DPYD: variants seen among roughly 807,000 people sequenced by gnomAD.
DPYD encodes dihydropyrimidine dehydrogenase.
DPYD carries 109 observed loss-of-function variants against 116.2 expected under a neutral mutation model. The ratio of observed to expected loss-of-function variants is 0.94; its 90% CI spans 0.80 to 1.10. The LOEUF is 1.10. Ranked by LOEUF, DPYD falls within the 50% of genes least tolerant of loss-of-function variation. DPYD has a pLI of 0.00. For synonymous variants in DPYD, 440 were observed against 432.0 expected (o/e 1.02, Z -0.23); for missense variants, 1,302 against 1,254.5 (o/e 1.04, Z -0.57).
intron 11 of DPYD, among the ~76,000 whole-genome samples, chr1:97,555,819 G>T (rs1003569602): frequency 6.6e-6 from 1 of 152,020 alleles, no homozygotes; most frequent in South Asian, 2.1e-4. Context: ...CTCTGACCTG[G>T]TAGGAATTTT....
intron 14 of DPYD, among the ~76,000 whole-genome samples, chr1:97,444,546 T>C (rs1259897081): frequency 6.6e-6 from 1 of 152,208 alleles, no homozygotes; most frequent in African/African-American, 2.4e-5. Context: ...GCTGTGTATG[T>C]AGTAGAATCA....
At chr1:97,461,290 G>A (rs1677019459) in intron 13 of DPYD, among the ~76,000 whole-genome samples, 1 of 152,084 alleles carries the variant, frequency 6.6e-6, no homozygotes, top group Admixed American at 6.6e-5. Flanking sequence ...TGGGACTTCC[G>A]TATATATGAA....
In DPYD at chr1:97,780,296, A is replaced by T. The variant is rs115654137; in HGVS notation, c.234-39817T>A. ...TGAACAAATAAAGGCTATGATTAAGACTTCGACATTGTTGTTTTGAGAAAA... is the reference window on the plus strand; with the variant it reads ...TGAACAAATAAAGGCTATGATTAAGTCTTCGACATTGTTGTTTTGAGAAAA... On this transcript the variant is annotated intron_variant, in intron 3 of 22. Coordinates refer to ENST00000370192, the MANE Select transcript of DPYD (RefSeq NM_000110.4). 9.8e-3 allele frequency among the ~76,000 whole-genome samples: 1,491 copies of T among 152,352 alleles called. 38 individuals carry two copies. Among genetic ancestry groups the T allele is most frequent in the African/African-American group, 0.034 (1,401 of 41,580 alleles).
In DPYD at chr1:97,868,520, C is replaced by T. The variant is rs1427493774; in HGVS notation, c.150+14744G>A. ...AAAATATTAATAATAAAAAGTACTA[C>T]TTAGTGAGCATTTACCATGTGCTAA... On this transcript the variant is annotated intron_variant, in intron 2 of 22. Transcript: ENST00000370192. Among the ~76,000 whole-genome samples the T allele has an allele frequency of 8.6e-5, 13 of 151,888 alleles. No homozygotes were observed. In the East Asian group the frequency reaches 2.5e-3, roughly 30 times the overall value.
rs190004102 is a variant in DPYD at position 97,344,973 on chromosome 1, C to T, written c.2058+28588G>A. 2.9e-4 allele frequency among the ~76,000 whole-genome samples: 44 copies of T among 151,916 alleles called. No individual in the cohort carries two copies. In the East Asian group the frequency reaches 8.5e-3, roughly 29 times the overall value. ...ATATGAAAGTGACTGCTTCCCCACA[C>T]TCTCTATAGCACTAATGGTAATCAC... On this transcript the variant is annotated intron_variant, in intron 16 of 22. Transcript: ENST00000370192.
intron 1 of DPYD, among the ~76,000 whole-genome samples, chr1:97,904,320 A>G (rs537925072): frequency 3.3e-5 from 5 of 152,172 alleles, no homozygotes; most frequent in Admixed American, 6.6e-5. Flanking sequence ...CAAGGTAATC[A>G]TAACATTTCA....
chr1:97,508,749 T>C (rs895264262), intron 13 of DPYD, among the ~76,000 whole-genome samples: 1 of 151,968 alleles, frequency 6.6e-6, no homozygotes, highest in East Asian at 1.9e-4. Context: ...AGACCTTGGT[T>C]CAAATCCTGA....
chr1:97,864,163 C>T lies in DPYD; in HGVS notation c.150+19101G>A, dbSNP rs561636076. Reference sequence around the variant, plus strand: ...AGAATGAGAGTCCCATGAAGCAAAACTTTTGGTCTGTTTTGTTATTTTCCA... The same window carrying T: ...AGAATGAGAGTCCCATGAAGCAAAATTTTTGGTCTGTTTTGTTATTTTCCA... On this transcript the variant is annotated intron_variant, in intron 2 of 22. Transcript: ENST00000370192. 9.3e-4 allele frequency among the ~76,000 whole-genome samples: 142 copies of T among 152,074 alleles called. 1 individual carries two copies. The highest frequency in any genetic ancestry group is 3.1e-4 in the Non-Finnish European group (21 of 67,934).
intron 20 of DPYD, among the ~76,000 whole-genome samples, chr1:97,168,778 T>C (rs1400795835): frequency 6.6e-6 from 1 of 152,102 alleles, no homozygotes; most frequent in Non-Finnish European, 1.5e-5. Flanking sequence ...AAAATGAATT[T>C]AACGTGATTA....
At chr1:97,382,184 C>T (rs574116891) in intron 15 of DPYD, among the ~76,000 whole-genome samples, 7 of 152,122 alleles carry the variant, frequency 4.6e-5, no homozygotes, top group Non-Finnish European at 7.4e-5. Flanking sequence ...TCCAAGGGAC[C>T]GCTTTTATAG....
intron 14 of DPYD, among the ~76,000 whole-genome samples, chr1:97,393,537 T>C (rs1309685398): frequency 6.6e-6 from 1 of 151,528 alleles, no homozygotes; most frequent in Admixed American, 6.6e-5. Context: ...AGTGAGAACA[T>C]GCGGTGTTTG....
chr1:97,325,609 A>G (rs1300432220), intron 16 of DPYD, among the ~76,000 whole-genome samples: 1 of 152,000 alleles, frequency 6.6e-6, no homozygotes, highest in East Asian at 1.9e-4. Flanking sequence ...CTCTACTTGA[A>G]GTGTTTATGA....
chr1:97,838,608 G>T (rs1426000629), intron 2 of DPYD, among the ~76,000 whole-genome samples: 1 of 151,706 alleles, frequency 6.6e-6, no homozygotes. Flanking sequence ...CACTTTGGGA[G>T]GCCGAGGCGG....
At chr1:97,778,801 A>G (rs574939188) in intron 3 of DPYD, among the ~76,000 whole-genome samples, 2 of 152,150 alleles carry the variant, frequency 1.3e-5, no homozygotes, top group Non-Finnish European at 2.9e-5. Flanking sequence ...AATTTCACAC[A>G]TATTACCTAA....
At chr1:97,569,435 ATAT>A (rs1313714694) in intron 11 of DPYD, among the ~76,000 whole-genome samples, 4 of 147,862 alleles carry the variant, frequency 2.7e-5, no homozygotes, top group Middle Eastern at 3.6e-3. Flanking sequence ...TCATATATTT[ATAT>A]TATATTTATA....
chr1:97,728,617 G>C (rs754769026), intron 4 of DPYD, among the ~76,000 whole-genome samples: 6 of 152,016 alleles, frequency 3.9e-5, no homozygotes, highest in Non-Finnish European at 8.8e-5. Flanking sequence ...ACAGATGGAA[G>C]CACCCTTCCA....
chr1:97,433,951 C>T (rs1425302202), intron 14 of DPYD, among the ~76,000 whole-genome samples: 1 of 152,038 alleles, frequency 6.6e-6, no homozygotes, highest in Non-Finnish European at 1.5e-5. Flanking sequence ...CCATTCCAGC[C>T]TTTAATTGTG....
At position 97,078,501 on chromosome 1, in the gene DPYD, A is replaced by G; in HGVS notation, c.*475T>C. The G allele has an allele frequency of 5.4e-6, 1 of 184,626 alleles. No individual in the cohort carries two copies. Among genetic ancestry groups the G allele is most frequent in the Non-Finnish European group, 1.1e-5 (1 of 87,100 alleles). 11.4% of individuals were successfully genotyped at this position (184,626 alleles called of 1,614,324 possible). A position where few individuals can be genotyped will look rare whatever the true frequency, so the allele number is the denominator to read the frequency against. On this transcript the variant is annotated 3_prime_UTR_variant, in exon 23 of 23. Coordinates refer to ENST00000370192, the MANE Select transcript of DPYD (RefSeq NM_000110.4). ...ATTTGTACTTTATGGAGCTAACTAC[A>G]TTTTCTTAGAAACAGCATTAAAATT...
chr1:97,544,693 G>T (rs1222219902), intron 12 of DPYD, among the ~76,000 whole-genome samples: 1 of 145,622 alleles, frequency 6.9e-6, no homozygotes, highest in Admixed American at 6.8e-5. Flanking sequence ...AAAACATTAA[G>T]ATTCCTTTAG....
Sources: allele counts gnomAD v4.1 joint callset (sites outside exome capture counted in the v4.1 genomes callset), GRCh38; gene constraint gnomAD v4.1.1; transcripts MANE v1.5; gene names NCBI Gene and HGNC (gene_info 2026-07-23, HGNC 2026-07-21).